SLAIN2: variants seen among roughly 807,000 people sequenced by gnomAD.
SLAIN2 encodes SLAIN family member 2, also known as SLAIN motif-containing protein 2.
SLAIN2 carries 31 observed loss-of-function variants against 56.6 expected under a neutral mutation model. The observed-to-expected ratio is 0.55, with a 90% CI of 0.41 to 0.74. The LOEUF is 0.74. Ranked by LOEUF, SLAIN2 falls within the 30% of genes least tolerant of loss-of-function variation. SLAIN2 has a pLI of 0.00. For synonymous variants in SLAIN2, 317 were observed against 284.9 expected (o/e 1.11, Z -1.13); for missense variants, 777 against 754.2 (o/e 1.03, Z -0.35).
chr4:48,423,006 C>G lies in SLAIN2; in HGVS notation c.*929C>G, dbSNP rs1347634799. Reference sequence around the variant, plus strand: ...TGTGTCTTTATTCTTGATACAACACCACCTCGGTGCTTGCAACCTGGAACA... The same window carrying G: ...TGTGTCTTTATTCTTGATACAACACGACCTCGGTGCTTGCAACCTGGAACA... On this transcript the variant is annotated 3_prime_UTR_variant, in exon 8 of 8. Coordinates refer to ENST00000264313, the MANE Select transcript of SLAIN2 (RefSeq NM_020846.2). 2.6e-5 allele frequency: 4 copies of G among 152,062 alleles called. No homozygotes were observed. Among genetic ancestry groups the G allele is most frequent in the Admixed American group, 2.6e-4 (4 of 15,260 alleles). The allele number at this position is 152,062 out of a possible 1,614,324, so 9.4% of individuals were successfully genotyped here.
chr4:48,352,381 A>G (rs1715036764), intron 1 of SLAIN2, among the ~76,000 whole-genome samples: 1 of 152,230 alleles, frequency 6.6e-6, no homozygotes, highest in African/African-American at 2.4e-5. Context: ...AGATTAGGCC[A>G]TTTACCTATG....
chr4:48,376,767 C>T (rs1196600877), intron 2 of SLAIN2, among the ~76,000 whole-genome samples: 3 of 150,950 alleles, frequency 2.0e-5, no homozygotes, highest in Non-Finnish European at 3.0e-5. Flanking sequence ...GGACTACAGG[C>T]GCCCGCCACC....
chr4:48,344,187 A>G (rs1170157329), intron 1 of SLAIN2, among the ~76,000 whole-genome samples: 1 of 152,186 alleles, frequency 6.6e-6, no homozygotes, highest in Admixed American at 6.5e-5. Context: ...ATATCTTGAT[A>G]TTATAGGTGT....
chr4:48,382,216 C>T (rs2109762503), intron 4 of SLAIN2, among the ~76,000 whole-genome samples: 1 of 151,996 alleles, frequency 6.6e-6, no homozygotes, highest in African/African-American at 2.4e-5. Flanking sequence ...TAATTGTTTC[C>T]CCTCAATATT....
rs1716028843 is a variant in SLAIN2 at position 48,383,670 on chromosome 4, A to G, written c.1246A>G (p.Asn416Asp). The change falls in exon 6 of 8, where the codon AAC becomes GAC. Residue 416 changes from asparagine (N) to aspartate (D), a missense_variant. Coordinates refer to ENST00000264313, the MANE Select transcript of SLAIN2 (RefSeq NM_020846.2). ...AGAAAAACTAAGACGCAGTCTTCCA[A>G]ACCTGTCCCGAACATCTAATACACA... is the stretch of plus-strand genomic sequence containing the variant. The part of the protein sequence containing the change: ...NEEKLRRSLP[N>D]LSRTSNTQVD... 6.2e-7 allele frequency: 1 copy of G among 1,600,276 alleles called. No individual in the cohort carries two copies. The highest frequency in any genetic ancestry group is 8.5e-7 in the Non-Finnish European group (1 of 1,171,972).
chr4:48,373,964 G>A (rs553786430), intron 2 of SLAIN2, among the ~76,000 whole-genome samples: 1 of 152,220 alleles, frequency 6.6e-6, no homozygotes, highest in East Asian at 1.9e-4. Context: ...CTTAAACCCC[G>A]GTGGTGGAGG....
At chr4:48,368,793 A>G (rs1230206928) in intron 1 of SLAIN2, among the ~76,000 whole-genome samples, 2 of 152,218 alleles carry the variant, frequency 1.3e-5, no homozygotes, top group Non-Finnish European at 2.9e-5. Flanking sequence ...CCCATTATTT[A>G]GCCTTGATGA....
intron 1 of SLAIN2, among the ~76,000 whole-genome samples, chr4:48,343,213 A>G (rs532347002): frequency 3.7e-4 from 57 of 152,294 alleles, no homozygotes; most frequent in African/African-American, 1.2e-3. Context: ...TGGTTTTGCC[A>G]CTTACTAGCA....
chr4:48,394,618 C>A, intron 6 of SLAIN2: 2 of 1,535,920 alleles, frequency 1.3e-6, no homozygotes, highest in Non-Finnish European at 1.7e-6. Flanking sequence ...TCCCTCAAAG[C>A]CAAACAGTTG....
chr4:48,374,721 T>A (rs1304452156), intron 2 of SLAIN2, among the ~76,000 whole-genome samples: 1 of 152,166 alleles, frequency 6.6e-6, no homozygotes, highest in Non-Finnish European at 1.5e-5. Context: ...TGAAGAGGGT[T>A]GATAATGATA....
intron 6 of SLAIN2, among the ~76,000 whole-genome samples, chr4:48,407,034 A>T (rs1435440653): frequency 6.6e-6 from 1 of 152,080 alleles, no homozygotes; most frequent in Non-Finnish European, 1.5e-5. Flanking sequence ...ATAGAGTAGC[A>T]AACTTTGTTT....
intron 1 of SLAIN2, among the ~76,000 whole-genome samples, chr4:48,364,855 GGGAGAC>G (rs1270565789): frequency 1.4e-5 from 2 of 141,308 alleles, no homozygotes; most frequent in African/African-American, 2.6e-5. Flanking sequence ...GGAGACCGTG[GGGAGAC>G]GGAGACGGGA....
At chr4:48,356,130 G>C (rs1046067081) in intron 1 of SLAIN2, among the ~76,000 whole-genome samples, 4 of 152,056 alleles carry the variant, frequency 2.6e-5, no homozygotes, top group Non-Finnish European at 5.9e-5. Flanking sequence ...TTATCATCTT[G>C]GATTTGAAGA....
intron 6 of SLAIN2, among the ~76,000 whole-genome samples, chr4:48,385,342 C>T (rs921382349): frequency 2.6e-5 from 4 of 152,180 alleles, no homozygotes; most frequent in Non-Finnish European, 4.4e-5. Flanking sequence ...ACATCAGTCC[C>T]GTATATGAGC....
intron 6 of SLAIN2, among the ~76,000 whole-genome samples, chr4:48,389,394 A>G (rs1716177128): frequency 6.6e-6 from 1 of 152,224 alleles, no homozygotes; most frequent in Non-Finnish European, 1.5e-5. Context: ...TGCTTAGTAT[A>G]GAGTTCTGGA....
chr4:48,419,431 T>TG (rs1442814838), intron 6 of SLAIN2, among the ~76,000 whole-genome samples: 2 of 152,122 alleles, frequency 1.3e-5, no homozygotes, highest in African/African-American at 4.8e-5. Context: ...AGCAGAGTCT[T>TG]GCTCTGTCAC....
intron 1 of SLAIN2, among the ~76,000 whole-genome samples, chr4:48,368,455 C>T (rs1715583491): frequency 6.6e-6 from 1 of 151,914 alleles, no homozygotes; most frequent in Admixed American, 6.6e-5. Context: ...TATGTAAAAC[C>T]AGTCAGTGTA....
Position 48,424,787 on chromosome 4 carries a change from A to G in SLAIN2, c.*2710A>G, listed in dbSNP as rs1198169020. 1 of 151,936 alleles carries G rather than the reference A, an allele frequency of 6.6e-6. No homozygotes were observed. Among genetic ancestry groups the G allele is most frequent in the Admixed American group, 6.6e-5 (1 of 15,258 alleles). The allele number at this position is 151,936 out of a possible 1,614,324, so 9.4% of individuals were successfully genotyped here. On this transcript the variant is annotated 3_prime_UTR_variant, in exon 8 of 8. Coordinates refer to ENST00000264313, the MANE Select transcript of SLAIN2 (RefSeq NM_020846.2). Reference sequence around the variant, plus strand: ...TTTATAAAAAAAAAAAGTTTTTTTGAAAGAAAATTAGATACATATGTGGCC... The same window carrying G: ...TTTATAAAAAAAAAAAGTTTTTTTGGAAGAAAATTAGATACATATGTGGCC...
In SLAIN2 at chr4:48,414,544, TGTG is replaced by T. The variant is rs1030197067; in HGVS notation, c.1361-5578_1361-5576del. 5.0e-5 allele frequency among the ~76,000 whole-genome samples: 6 copies of T among 120,910 alleles called. No homozygotes were observed. In the Admixed American group the frequency reaches 5.3e-4, roughly 11 times the overall value. 79.3% of individuals were successfully genotyped at this position (120,910 alleles called of 152,430 possible). ...TTTTCTTTTCAAGCAATGCAATTGG[TGTG>T]GTATTTTTTTTTTTTTTTTTTTTAT... On this transcript the variant is annotated intron_variant, in intron 6 of 7. Coordinates refer to ENST00000264313, the MANE Select transcript of SLAIN2 (RefSeq NM_020846.2).
Sources: allele counts gnomAD v4.1 joint callset (sites outside exome capture counted in the v4.1 genomes callset), GRCh38; gene constraint gnomAD v4.1.1; transcripts MANE v1.5; gene names NCBI Gene and HGNC (gene_info 2026-07-23, HGNC 2026-07-21).